DOCK3: variants seen among roughly 807,000 people sequenced by gnomAD.
DOCK3 encodes the protein dedicator of cytokinesis protein 3.
A neutral mutation model predicts 265.6 loss-of-function variants in DOCK3; 60 were observed. The ratio of observed to expected loss-of-function variants is 0.23; its 90% confidence interval spans 0.18 to 0.28. The LOEUF (loss-of-function observed/expected upper bound fraction) is 0.28. DOCK3 is among the 10% of genes least tolerant of loss of function. DOCK3 has a pLI of 1.00. For synonymous variants in DOCK3, 881 were observed against 938.0 expected, an observed-to-expected ratio of 0.94 and a Z score of 1.11; for missense variants, 1,981 against 2,594.3, an observed-to-expected ratio of 0.76 and a Z score of 5.14.
At chr3:51,272,583 G>A (rs956216189) in intron 24 of DOCK3, among the ~76,000 whole-genome samples, 3 of 151,486 alleles carry the variant, frequency 2.0e-5, no homozygotes, top group Non-Finnish European at 2.9e-5. Context: ...CACCGCGCCC[G>A]GCCAGGTTTG....
chr3:51,291,963 G>T (rs942611602), intron 27 of DOCK3, among the ~76,000 whole-genome samples: 43 of 152,256 alleles, frequency 2.8e-4, no homozygotes, highest in African/African-American at 1.0e-3. Flanking sequence ...CAATAAATGT[G>T]ATTCACCATA....
At chr3:50,682,742 C>T (rs2034500994) in intron 1 of DOCK3, among the ~76,000 whole-genome samples, 1 of 152,204 alleles carries the variant, frequency 6.6e-6, no homozygotes. Flanking sequence ...AGTTTGAGAC[C>T]AGCCTGGTCA....
At position 51,153,611 on chromosome 3, in the gene DOCK3, G is replaced by A. The variant is rs138795898; in HGVS notation, c.829-5633G>A. Among the ~76,000 whole-genome samples the A allele has an allele frequency of 1.9e-3, 287 of 152,306 alleles. 1 individual carries two copies. The highest frequency in any genetic ancestry group is 5.1e-3 in the African/African-American group (214 of 41,564). On this transcript the variant is annotated intron_variant, in intron 10 of 52. Transcript: ENST00000266037. Reference sequence around the variant, plus strand: ...TCGATCATGCTGGGAGCTGCAGACCGGAGCTGTTCCTATTCGGCTATCTTG... The same window carrying A: ...TCGATCATGCTGGGAGCTGCAGACCAGAGCTGTTCCTATTCGGCTATCTTG...
At chr3:51,352,370 C>T (rs974113707) in intron 40 of DOCK3, among the ~76,000 whole-genome samples, 7 of 152,206 alleles carry the variant, frequency 4.6e-5, no homozygotes, top group South Asian at 2.1e-4. Flanking sequence ...AATGCTCCAT[C>T]GTAGTCCAAC....
intron 35 of DOCK3, among the ~76,000 whole-genome samples, chr3:51,335,925 G>A (rs994221693): frequency 6.6e-5 from 10 of 151,234 alleles, no homozygotes; most frequent in Non-Finnish European, 8.8e-5. Flanking sequence ...CGGGGAGGTC[G>A]AGGATGCAGT....
intron 24 of DOCK3, among the ~76,000 whole-genome samples, chr3:51,273,729 G>A (rs887534449): frequency 2.0e-5 from 3 of 152,150 alleles, no homozygotes; most frequent in African/African-American, 7.2e-5. Flanking sequence ...AAGATTTGCT[G>A]TCTGAATTTC....
chr3:51,012,821 A>G (rs530550178), intron 5 of DOCK3, among the ~76,000 whole-genome samples: 1 of 152,064 alleles, frequency 6.6e-6, no homozygotes, highest in South Asian at 2.1e-4. Context: ...ATAGTCCCAT[A>G]TTTATTGGAG....
chr3:51,110,621 C>CA (rs1315253882), intron 9 of DOCK3, among the ~76,000 whole-genome samples: 4 of 151,940 alleles, frequency 2.6e-5, no homozygotes, highest in South Asian at 2.1e-4. Flanking sequence ...AAAAGGCTTT[C>CA]AAAAAAATTC....
intron 2 of DOCK3, among the ~76,000 whole-genome samples, chr3:50,811,800 T>C (rs1360019963): frequency 6.6e-6 from 1 of 152,242 alleles, no homozygotes; most frequent in Non-Finnish European, 1.5e-5. Flanking sequence ...ATAACAGTTA[T>C]GATCCAATCA....
chr3:50,948,032 TTA>T (rs2076481340), intron 5 of DOCK3, among the ~76,000 whole-genome samples: 1 of 140,370 alleles, frequency 7.1e-6, no homozygotes, highest in Non-Finnish European at 1.5e-5. Context: ...ATTATTATTA[TTA>T]TTATTATTAT....
At chr3:51,233,938 C>T (rs1252387368) in intron 19 of DOCK3, among the ~76,000 whole-genome samples, 2 of 152,064 alleles carry the variant, frequency 1.3e-5, no homozygotes, top group African/African-American at 2.4e-5. Context: ...AAGTGCAGAC[C>T]TCTCCCATGT....
At chr3:51,362,710 A>T in intron 49 of DOCK3, 36 bp downstream of exon 49, 2 of 1,606,230 alleles carry the variant, frequency 1.2e-6, no homozygotes, top group Non-Finnish European at 1.7e-6. Flanking sequence ...AGAATGGAGA[A>T]GAGAGGTCTT....
At chr3:50,716,839 G>A (rs568836046) in intron 1 of DOCK3, among the ~76,000 whole-genome samples, 38 of 151,998 alleles carry the variant, frequency 2.5e-4, no homozygotes, top group East Asian at 3.9e-4. Flanking sequence ...TCCCATGATA[G>A]GGTATTCACC....
intron 5 of DOCK3, among the ~76,000 whole-genome samples, chr3:51,062,818 A>G (rs1218210520): frequency 3.3e-5 from 5 of 152,262 alleles, no homozygotes; most frequent in Non-Finnish European, 7.3e-5. Context: ...TGTTTTATCA[A>G]TATGAAACGT....
At chr3:50,745,352 G>T (rs9824740) in intron 1 of DOCK3, among the ~76,000 whole-genome samples, 1 of 152,070 alleles carries the variant, frequency 6.6e-6, no homozygotes, top group Non-Finnish European at 1.5e-5. Flanking sequence ...GTGCCTTTCA[G>T]ATTTTGATAG....
chr3:51,342,627 G>C (rs1032827634), intron 38 of DOCK3, among the ~76,000 whole-genome samples: 17 of 152,336 alleles, frequency 1.1e-4, no homozygotes, highest in African/African-American at 4.1e-4. Flanking sequence ...CATGGGCACA[G>C]AGTACAGAGT....
chr3:51,238,978 A>G (rs2078470375), intron 21 of DOCK3, among the ~76,000 whole-genome samples: 1 of 152,144 alleles, frequency 6.6e-6, no homozygotes, highest in Non-Finnish European at 1.5e-5. Context: ...TATATACAGT[A>G]TTGGGATTGC....
intron 5 of DOCK3, among the ~76,000 whole-genome samples, chr3:51,046,168 G>T (rs2080770399): frequency 6.6e-6 from 1 of 152,148 alleles, no homozygotes; most frequent in Admixed American, 6.6e-5. Context: ...AGGAAGAGAG[G>T]AGGAGGGGAA....
At chr3:51,124,747 A>C (rs768397182) in intron 9 of DOCK3, among the ~76,000 whole-genome samples, 5 of 152,206 alleles carry the variant, frequency 3.3e-5, no homozygotes, top group Non-Finnish European at 7.3e-5. Context: ...AGACAGTTGG[A>C]ATGAGTACAG....
Sources: allele counts gnomAD v4.1 joint callset (sites outside exome capture counted in the v4.1 genomes callset), GRCh38; gene constraint gnomAD v4.1.1; transcripts MANE v1.5; gene names NCBI Gene and HGNC (gene_info 2026-07-23, HGNC 2026-07-21).